The following STXBP6 variants were observed in gnomAD, a reference collection of about 807,000 sequenced individuals.
The protein encoded by STXBP6 is syntaxin-binding protein 6.
A neutral mutation model predicts 26.9 loss-of-function variants in STXBP6; 21 were observed. That is an observed-to-expected ratio of 0.78 (90% CI 0.55 to 1.12). The LOEUF is 1.12. STXBP6 is among the 50% of genes most tolerant of loss of function. STXBP6 has a pLI of 0.00. For missense variants in STXBP6, 232 were observed against 257.9 expected (o/e 0.90, Z 0.69); for synonymous variants, 97 against 92.6 (o/e 1.05, Z -0.27).
At chr14:25,029,599 A>G (rs1336154265) in intron 1 of STXBP6, among the ~76,000 whole-genome samples, 1 of 152,116 alleles carries the variant, frequency 6.6e-6, no homozygotes, top group East Asian at 1.9e-4. Flanking sequence ...AATATCTCTG[A>G]GGAATGCCTG....
chr14:24,836,659 G>A (rs2068628065), intron 4 of STXBP6, among the ~76,000 whole-genome samples: 1 of 145,714 alleles, frequency 6.9e-6, no homozygotes, highest in African/African-American at 2.5e-5. Flanking sequence ...AGTCAAAAGG[G>A]TAGCTATTAA....
intron 2 of STXBP6, among the ~76,000 whole-genome samples, chr14:24,910,629 C>T (rs1376461491): frequency 1.3e-5 from 2 of 152,130 alleles, no homozygotes; most frequent in Non-Finnish European, 2.9e-5. Flanking sequence ...TGTTACATAG[C>T]CTAGCAGGTC....
At chr14:25,025,880 A>G (rs1372565441) in intron 1 of STXBP6, among the ~76,000 whole-genome samples, 3 of 152,182 alleles carry the variant, frequency 2.0e-5, no homozygotes. Context: ...CAAAGGATAA[A>G]CACTCAACTG....
chr14:24,823,951 C>A (rs1035490716), intron 4 of STXBP6, among the ~76,000 whole-genome samples: 1 of 152,112 alleles, frequency 6.6e-6, no homozygotes, highest in Non-Finnish European at 1.5e-5. Context: ...TTATTCTCTG[C>A]GTAGATGAAG....
At chr14:25,008,676 A>C (rs1291252600) in intron 1 of STXBP6, among the ~76,000 whole-genome samples, 1 of 152,098 alleles carries the variant, frequency 6.6e-6, no homozygotes, top group Non-Finnish European at 1.5e-5. Context: ...TTTTCTGTTG[A>C]CTCTCAAATA....
At chr14:24,895,789 G>A (rs1050973031) in intron 2 of STXBP6, among the ~76,000 whole-genome samples, 1 of 152,146 alleles carries the variant, frequency 6.6e-6, no homozygotes, top group African/African-American at 2.4e-5. Context: ...TCCTTCATTA[G>A]TTGTGTTATC....
chr14:24,954,359 G>T (rs2073269745), intron 2 of STXBP6, among the ~76,000 whole-genome samples: 1 of 152,150 alleles, frequency 6.6e-6, no homozygotes, highest in South Asian at 2.1e-4. Flanking sequence ...AGCAGAGCCA[G>T]ATATTATTAA....
chr14:24,978,374 G>C (rs1019334183), intron 1 of STXBP6, among the ~76,000 whole-genome samples: 1 of 152,190 alleles, frequency 6.6e-6, no homozygotes, highest in African/African-American at 2.4e-5. Flanking sequence ...TGATGGGAAT[G>C]GAAAGGATGA....
chr14:24,826,660 A>G (rs910064731), intron 4 of STXBP6, among the ~76,000 whole-genome samples: 1 of 152,094 alleles, frequency 6.6e-6, no homozygotes, highest in African/African-American at 2.4e-5. Flanking sequence ...CCATGGGACC[A>G]CAAATTGACT....
chr14:25,020,084 C>G (rs74422469), intron 1 of STXBP6, among the ~76,000 whole-genome samples: 2 of 152,190 alleles, frequency 1.3e-5, no homozygotes, highest in African/African-American at 4.8e-5. Context: ...ACACAGCTTC[C>G]TACTTACTCT....
At chr14:25,043,248 G>A (rs575628583) in intron 1 of STXBP6, among the ~76,000 whole-genome samples, 5 of 152,280 alleles carry the variant, frequency 3.3e-5, no homozygotes, top group Admixed American at 1.3e-4. Context: ...GTAAACTTTC[G>A]AATGAGAGAG....
At chr14:25,035,528 C>A (rs1262763412) in intron 1 of STXBP6, among the ~76,000 whole-genome samples, 4 of 152,198 alleles carry the variant, frequency 2.6e-5, no homozygotes, top group Non-Finnish European at 5.9e-5. Flanking sequence ...ACAATATAAT[C>A]TGATAAGAAA....
In STXBP6 at chr14:24,904,666, C is replaced by A. The variant is rs1025452119; in HGVS notation, c.155-47509G>T. On this transcript the variant is annotated intron_variant, in intron 2 of 5. Transcript: ENST00000323944. ...AGAGGAGGGAAAGATACCAGGAGTG[C>A]ATGACCACAGAGGAAAGGGCATGTG... Among the ~76,000 whole-genome samples the A allele has an allele frequency of 4.6e-5, 7 of 152,096 alleles. 2 individuals are homozygous for A. Among genetic ancestry groups the A allele is most frequent in the Admixed American group, 3.9e-4 (6 of 15,266 alleles).
chr14:24,817,666 C>T (rs1471481468), intron 5 of STXBP6: 2 of 167,404 alleles, frequency 1.2e-5, no homozygotes, highest in African/African-American at 2.4e-5. Flanking sequence ...TCATCATTAT[C>T]TCTGTGTCAC....
chr14:25,028,834 C>A (rs575547565), intron 1 of STXBP6, among the ~76,000 whole-genome samples: 1 of 152,004 alleles, frequency 6.6e-6, no homozygotes, highest in Non-Finnish European at 1.5e-5. Flanking sequence ...AACATTAACA[C>A]GAGCTTGGAA....
rs1427779504 is a variant in STXBP6, at chr14:24,928,128, T to C, written c.154+46537A>G. The stretch of plus-strand genomic sequence containing the variant: ...TCGTTAGATTGATCTGTCAGCACCC[T>C]ACGAACTTCCTCTTCTCACTTTCCT... On this transcript the variant is annotated intron_variant, in intron 2 of 5. Coordinates refer to ENST00000323944, the MANE Select transcript of STXBP6 (RefSeq NM_001394410.1). Among the ~76,000 whole-genome samples the C allele has an allele frequency of 2.0e-5, 3 of 152,198 alleles. No homozygotes were observed. The East Asian group carries it at 5.8e-4, about 29-fold the overall frequency.
intron 2 of STXBP6, among the ~76,000 whole-genome samples, chr14:24,953,132 C>T (rs1029351892): frequency 2.0e-5 from 3 of 152,156 alleles, no homozygotes; most frequent in Admixed American, 2.0e-4. Flanking sequence ...GCTGCCAACA[C>T]TCCTTGACTC....
chr14:24,976,587 T>A (rs2074050292), intron 1 of STXBP6, among the ~76,000 whole-genome samples: 1 of 152,210 alleles, frequency 6.6e-6, no homozygotes, highest in Non-Finnish European at 1.5e-5. Context: ...CACTAACTGA[T>A]ACGGTATGAT....
chr14:25,018,719 C>T (rs971245420), intron 1 of STXBP6, among the ~76,000 whole-genome samples: 4 of 152,216 alleles, frequency 2.6e-5, no homozygotes, highest in South Asian at 2.1e-4. Context: ...TAGACCATTG[C>T]TTCCTTCTAT....
Sources: gnomAD v4.1 joint callset for allele counts (sites outside exome capture counted in the v4.1 genomes callset) on GRCh38, gnomAD v4.1.1 for gene constraint, MANE v1.5 for transcripts, NCBI Gene and HGNC (gene_info 2026-07-23, HGNC 2026-07-21) for gene names.